CMTM8: variants seen among roughly 807,000 people sequenced by gnomAD.
CMTM8 encodes CKLF-like MARVEL transmembrane domain-containing protein 8.
In CMTM8, 12 loss-of-function variants were observed where a neutral mutation model predicts 18.6. The observed-to-expected ratio is 0.65, with a 90% CI of 0.41 to 1.05. The LOEUF (loss-of-function observed/expected upper bound fraction) is 1.05, where lower values mean the gene tolerates loss of function less well. Among genes scored for constraint, CMTM8 ranks in the 50% least tolerant of loss-of-function variants. The pLI, the probability that CMTM8 is intolerant of heterozygous loss-of-function variation, is 0.00. For synonymous variants in CMTM8, 87 were observed against 90.6 expected (o/e 0.96, Z 0.23); for missense variants, 217 against 227.2 (o/e 0.95, Z 0.29).
intron 1 of CMTM8, among the ~76,000 whole-genome samples, chr3:32,266,559 T>A (rs1301487026): frequency 6.6e-6 from 1 of 152,144 alleles, no homozygotes; most frequent in Non-Finnish European, 1.5e-5. Context: ...AGGGATGCCC[T>A]CTCTCACCAC....
At chr3:32,361,287 T>TTTTTTTTTTG (rs1228929205) in intron 2 of CMTM8, among the ~76,000 whole-genome samples, 3 of 33,546 alleles carry the variant, frequency 8.9e-5, no homozygotes, top group Non-Finnish European at 3.0e-4. Flanking sequence ...AGCCTAAGAG[T>TTTTTTTTTTG]TTTTTTTTCT....
chr3:32,266,945 A>G (rs966969670), intron 1 of CMTM8, among the ~76,000 whole-genome samples: 13 of 152,214 alleles, frequency 8.5e-5, no homozygotes, highest in Non-Finnish European at 2.9e-5. Context: ...TCAACAAAAT[A>G]AAAGAGGATA....
intron 1 of CMTM8, among the ~76,000 whole-genome samples, chr3:32,281,552 C>T (rs182710859): frequency 6.6e-6 from 1 of 152,242 alleles, no homozygotes; most frequent in East Asian, 1.9e-4. Context: ...CATATCTTCC[C>T]TCCAGAAGAT....
chr3:32,279,147 T>C (rs1210657346), intron 1 of CMTM8, among the ~76,000 whole-genome samples: 1 of 147,870 alleles, frequency 6.8e-6, no homozygotes, highest in Non-Finnish European at 1.5e-5. Flanking sequence ...CACGGTTCTG[T>C]ATTTTTCTTA....
intron 1 of CMTM8, among the ~76,000 whole-genome samples, chr3:32,332,620 T>A (rs1365458074): frequency 1.3e-5 from 2 of 152,128 alleles, no homozygotes; most frequent in Non-Finnish European, 2.9e-5. Flanking sequence ...TCTAATGCTG[T>A]CCTTAGCACG....
chr3:32,308,192 A>G (rs562580102), intron 1 of CMTM8, among the ~76,000 whole-genome samples: 4 of 152,354 alleles, frequency 2.6e-5, no homozygotes, highest in Admixed American at 2.0e-4. Context: ...AATTTAGCAC[A>G]GGGAGGCGGA....
chr3:32,346,823 T>C (rs929799192), intron 1 of CMTM8, among the ~76,000 whole-genome samples: 2 of 151,080 alleles, frequency 1.3e-5, no homozygotes, highest in Non-Finnish European at 3.0e-5. Context: ...TCTTTTTTTT[T>C]TTTTTTTCTT....
chr3:32,338,204 G>A (rs1257921182), intron 1 of CMTM8, among the ~76,000 whole-genome samples: 6 of 151,932 alleles, frequency 3.9e-5, no homozygotes, highest in Admixed American at 1.3e-4. Flanking sequence ...GGATGGTCTC[G>A]ATCTCTTGAC....
At chr3:32,295,326 T>G (rs1472030139) in intron 1 of CMTM8, among the ~76,000 whole-genome samples, 1 of 151,080 alleles carries the variant, frequency 6.6e-6, no homozygotes, top group Non-Finnish European at 1.5e-5. Context: ...CATAATGTCG[T>G]GCACCTGTAG....
chr3:32,263,082 C>A (rs1202799734), intron 1 of CMTM8, among the ~76,000 whole-genome samples: 3 of 152,170 alleles, frequency 2.0e-5, no homozygotes, highest in Non-Finnish European at 4.4e-5. Flanking sequence ...TCTGCATTTC[C>A]AACTGAGATT....
At chr3:32,242,731 C>G (rs2125526317) in intron 1 of CMTM8, among the ~76,000 whole-genome samples, 2 of 152,308 alleles carry the variant, frequency 1.3e-5, no homozygotes, top group African/African-American at 4.8e-5. Context: ...CAATGATGTG[C>G]CTTCATATGA....
intron 1 of CMTM8, among the ~76,000 whole-genome samples, chr3:32,333,924 G>A (rs1212488280): frequency 6.6e-6 from 1 of 152,048 alleles, no homozygotes; most frequent in African/African-American, 2.4e-5. Context: ...GGGGAGCTCA[G>A]GGAGGAGAGA....
intron 1 of CMTM8, among the ~76,000 whole-genome samples, chr3:32,296,435 C>T (rs979629027): frequency 6.6e-6 from 1 of 152,182 alleles, no homozygotes; most frequent in Non-Finnish European, 1.5e-5. Context: ...ATAGTTGAAG[C>T]GTAGAATAGG....
At chr3:32,264,543 G>C (rs973776518) in intron 1 of CMTM8, among the ~76,000 whole-genome samples, 1 of 152,148 alleles carries the variant, frequency 6.6e-6, no homozygotes, top group Non-Finnish European at 1.5e-5. Context: ...ACTGCATCAA[G>C]TAACAAGCAA....
chr3:32,318,517 G>A (rs190303262), intron 1 of CMTM8, among the ~76,000 whole-genome samples: 38 of 151,018 alleles, frequency 2.5e-4, no homozygotes, highest in African/African-American at 7.8e-4. Context: ...GTGAAACTGC[G>A]CACAATAAAA....
intron 1 of CMTM8, among the ~76,000 whole-genome samples, chr3:32,312,123 T>TA (rs1324981505): frequency 6.6e-6 from 1 of 152,174 alleles, no homozygotes; most frequent in Non-Finnish European, 1.5e-5. Flanking sequence ...ATGGCATTGT[T>TA]ACGTTAATTT....
chr3:32,247,647 G>A (rs902921157), intron 1 of CMTM8, among the ~76,000 whole-genome samples: 8 of 151,974 alleles, frequency 5.3e-5, no homozygotes, highest in Admixed American at 2.0e-4. Context: ...TTTTAGTAGA[G>A]ATGAGGTTTC....
At chr3:32,274,447 G>A (rs1320624872) in intron 1 of CMTM8, among the ~76,000 whole-genome samples, 1 of 152,116 alleles carries the variant, frequency 6.6e-6, no homozygotes, top group Non-Finnish European at 1.5e-5. Context: ...TGTAAGGACA[G>A]TATAGTGACC....
At chr3:32,302,735 A>G (rs1695644120) in intron 1 of CMTM8, among the ~76,000 whole-genome samples, 1 of 152,198 alleles carries the variant, frequency 6.6e-6, no homozygotes, top group Admixed American at 6.5e-5. Context: ...CTGTTGAGAA[A>G]AGAAGAAAGC....
Sources: allele counts gnomAD v4.1 joint callset (sites outside exome capture counted in the v4.1 genomes callset), GRCh38; gene constraint gnomAD v4.1.1; transcripts MANE v1.5; gene names NCBI Gene and HGNC (gene_info 2026-07-23, HGNC 2026-07-21).